CACNB2: variants seen among roughly 807,000 people sequenced by gnomAD.
CACNB2 encodes the protein calcium voltage-gated channel auxiliary subunit beta 2.
In CACNB2, 42 loss-of-function variants were observed where a neutral mutation model predicts 73.3. The ratio of observed to expected loss-of-function variants is 0.57; its 90% CI spans 0.45 to 0.74. CACNB2 has a LOEUF of 0.74. Ranked by LOEUF, CACNB2 falls within the 30% of genes least tolerant of loss-of-function variation. The probability of loss-of-function intolerance (pLI) is 0.00; values close to 1 mark genes in which losing one functional copy is unlikely to be tolerated. For missense variants in CACNB2, 940 were observed against 853.0 expected, an observed-to-expected ratio of 1.10 and a Z score of -1.27; for synonymous variants, 348 against 310.3, an observed-to-expected ratio of 1.12 and a Z score of -1.28.
chr10:18,335,940 C>CT (rs55907160), intron 2 of CACNB2, among the ~76,000 whole-genome samples: 86,474 of 151,802 alleles, frequency 0.57, 25,631 homozygotes, highest in African/African-American at 0.73. Flanking sequence ...ACCTCAGTTG[C>CT]TTTGGTTACC....
At chr10:18,313,137 A>T (rs1249869643) in intron 2 of CACNB2, among the ~76,000 whole-genome samples, 1 of 151,988 alleles carries the variant, frequency 6.6e-6, no homozygotes, top group Admixed American at 6.6e-5. Context: ...TCATCGTTAG[A>T]TGAGAAAGAA....
chr10:18,149,244 T>C (rs1044812324), intron 1 of CACNB2, among the ~76,000 whole-genome samples: 14 of 152,026 alleles, frequency 9.2e-5, no homozygotes, highest in Non-Finnish European at 1.3e-4. Context: ...CCTTAGAAAA[T>C]GCATCTGTCC....
At chr10:18,465,602 G>A (rs538585858) in intron 3 of CACNB2, among the ~76,000 whole-genome samples, 1 of 151,888 alleles carries the variant, frequency 6.6e-6, no homozygotes, top group Non-Finnish European at 1.5e-5. Flanking sequence ...CTCCCAGGAT[G>A]CATGCAAAAG....
At chr10:18,510,726 A>G (rs111721555) in intron 6 of CACNB2, among the ~76,000 whole-genome samples, 2 of 152,202 alleles carry the variant, frequency 1.3e-5, no homozygotes, top group Admixed American at 6.5e-5. Context: ...CTGACATCCA[A>G]CTGGTTATCT....
rs769211879 is a variant in CACNB2 at position 18,150,879 on chromosome 10, T to TTTTTTTTTTTTTTTTTTTTTTTG, written c.121-3_121-2insTTTTTTTTTTTTTTTTTTTTTGT. 4.0e-5 allele frequency: 50 copies of TTTTTTTTTTTTTTTTTTTTTTTG among 1,259,798 alleles called. 5 individuals carry two copies. Among genetic ancestry groups the TTTTTTTTTTTTTTTTTTTTTTTG allele is most frequent in the East Asian group, 1.3e-4 (5 of 39,634 alleles). 78.0% of individuals were successfully genotyped at this position (1,259,798 alleles called of 1,614,324 possible). A position where few individuals can be genotyped will look rare whatever the true frequency, so the allele number is the denominator to read the frequency against. The stretch of plus-strand genomic sequence containing the variant: ...TCTTTTTTTTTTTTTTTTTTTTTTT[T>TTTTTTTTTTTTTTTTTTTTTTTG]TAGTCATATGGAAAAGGAGCCAGAA... On this transcript the variant is annotated splice_polypyrimidine_tract_variant and splice_region_variant and intron_variant, in intron 1 of 13. Transcript: ENST00000324631.
At chr10:18,152,709 CAA>C (rs772732675) in intron 2 of CACNB2, among the ~76,000 whole-genome samples, 22 of 49,368 alleles carry the variant, frequency 4.5e-4, no homozygotes, top group African/African-American at 8.4e-4. Flanking sequence ...TGAAACAGAC[CAA>C]AAAAAAAAAA....
intron 2 of CACNB2, among the ~76,000 whole-genome samples, chr10:18,326,737 A>AT (rs2040602210): frequency 6.6e-6 from 1 of 152,036 alleles, no homozygotes; most frequent in Non-Finnish European, 1.5e-5. Context: ...GAAAGTAATA[A>AT]TTTTTTTGAG....
rs35663592 is a variant in CACNB2 at position 18,524,654 on chromosome 10, TAAAAAAAAAAA to T, written c.945-2923_945-2913del. 6.8e-5 allele frequency among the ~76,000 whole-genome samples: 8 copies of T among 116,906 alleles called. No homozygotes were observed. In the East Asian group the frequency reaches 2.0e-3, roughly 30 times the overall value. 76.7% of individuals were successfully genotyped at this position (116,906 alleles called of 152,430 possible). On this transcript the variant is annotated intron_variant, in intron 9 of 13. Transcript: ENST00000324631. ...TGGGTGACAGAGCAAGACTCTATCT[TAAAAAAAAAAA>T]AAAAAAAAAATTGAGCAAATAAAAA...
chr10:18,151,461 C>T (rs1468177247), intron 2 of CACNB2, among the ~76,000 whole-genome samples: 2 of 152,080 alleles, frequency 1.3e-5, no homozygotes, highest in Non-Finnish European at 2.9e-5. Flanking sequence ...ATCACTGAGA[C>T]ATAATTTAAA....
chr10:18,286,616 T>G (rs2038816367), intron 2 of CACNB2, among the ~76,000 whole-genome samples: 1 of 151,956 alleles, frequency 6.6e-6, no homozygotes, highest in African/African-American at 2.4e-5. Flanking sequence ...ATCTTAATGT[T>G]TTTATGCATT....
At chr10:18,477,116 G>A (rs542377120) in intron 3 of CACNB2, among the ~76,000 whole-genome samples, 4 of 152,228 alleles carry the variant, frequency 2.6e-5, no homozygotes, top group South Asian at 2.1e-4. Context: ...TTATTTGAGC[G>A]TGGAAAGTTG....
chr10:18,341,053 G>C, intron 2 of CACNB2: 1 of 1,445,320 alleles, frequency 6.9e-7, no homozygotes, highest in Non-Finnish European at 9.7e-7. Flanking sequence ...AACTGTTGCC[G>C]AGCTTGAGCT....
intron 2 of CACNB2, among the ~76,000 whole-genome samples, chr10:18,356,240 T>C (rs1333834939): frequency 6.6e-6 from 1 of 152,170 alleles, no homozygotes; most frequent in Non-Finnish European, 1.5e-5. Context: ...GCTTCATTCA[T>C]GCAACTATCC....
At chr10:18,287,525 A>C (rs988679563) in intron 2 of CACNB2, among the ~76,000 whole-genome samples, 1 of 152,036 alleles carries the variant, frequency 6.6e-6, no homozygotes, top group African/African-American at 2.4e-5. Context: ...ATACAACAGA[A>C]ATTTACTGTC....
At chr10:18,294,498 A>G (rs1407549927) in intron 2 of CACNB2, among the ~76,000 whole-genome samples, 1 of 152,232 alleles carries the variant, frequency 6.6e-6, no homozygotes, top group Non-Finnish European at 1.5e-5. Flanking sequence ...CTTACATTCT[A>G]GGGAAGGGAG....
intron 3 of CACNB2, among the ~76,000 whole-genome samples, chr10:18,483,560 A>C (rs1163167925): frequency 6.6e-6 from 1 of 151,938 alleles, no homozygotes; most frequent in Non-Finnish European, 1.5e-5. Context: ...AAGAAAAAAG[A>C]AACCAAAACA....
intron 2 of CACNB2, among the ~76,000 whole-genome samples, chr10:18,385,367 C>T (rs1045046721): frequency 3.2e-5 from 3 of 94,996 alleles, no homozygotes; most frequent in African/African-American, 7.7e-5. Flanking sequence ...TTGTAATACC[C>T]CCCCCCCTCG....
chr10:18,453,945 C>G (rs943374189), intron 3 of CACNB2, among the ~76,000 whole-genome samples: 1 of 152,164 alleles, frequency 6.6e-6, no homozygotes, highest in Non-Finnish European at 1.5e-5. Flanking sequence ...GATTACTTGT[C>G]TGTTTTTAAA....
chr10:18,481,729 T>C (rs2048789069), intron 3 of CACNB2, among the ~76,000 whole-genome samples: 1 of 152,144 alleles, frequency 6.6e-6, no homozygotes, highest in Non-Finnish European at 1.5e-5. Context: ...TCCCTGAGAT[T>C]GTACTCTTAT....
Sources: allele counts gnomAD v4.1 joint callset (sites outside exome capture counted in the v4.1 genomes callset), GRCh38; gene constraint gnomAD v4.1.1; transcripts MANE v1.5; gene names NCBI Gene and HGNC (gene_info 2026-07-23, HGNC 2026-07-21).